The following TOP6BL variants were observed in gnomAD, a reference collection of about 807,000 sequenced individuals.
TOP6BL encodes the protein type 2 DNA topoisomerase 6 subunit B-like.
the TOP6BL span, among the ~76,000 whole-genome samples, chr11:66,842,354 C>A: frequency 6.6e-6 from 1 of 152,218 alleles, no homozygotes; most frequent in South Asian, 2.1e-4. Context: ...GGGAAAAGCT[C>A]ATTGATCTGC....
At chr11:66,772,220 GC>G in the TOP6BL span, among the ~76,000 whole-genome samples, 1 of 152,162 alleles carries the variant, frequency 6.6e-6, no homozygotes, top group Non-Finnish European at 1.5e-5. Flanking sequence ...ACTGTTTCTT[GC>G]TAGTATTTGA....
At chr11:66,822,177 C>T in the TOP6BL span, among the ~76,000 whole-genome samples, 1 of 152,214 alleles carries the variant, frequency 6.6e-6, no homozygotes, top group Non-Finnish European at 1.5e-5. Flanking sequence ...ATCCATCCAT[C>T]CTGTGTACTT....
At chr11:66,804,806 TCA>T in the TOP6BL span, among the ~76,000 whole-genome samples, 9 of 151,510 alleles carry the variant, frequency 5.9e-5, no homozygotes, top group Non-Finnish European at 1.0e-4. Context: ...GCGTGGTGGC[TCA>T]CACCTGTAAT....
At chr11:66,802,770 G>C in the TOP6BL span, among the ~76,000 whole-genome samples, 1 of 152,126 alleles carries the variant, frequency 6.6e-6, no homozygotes, top group South Asian at 2.1e-4. Context: ...TAATATGCAG[G>C]TAATAATTTC....
the TOP6BL span, among the ~76,000 whole-genome samples, chr11:66,758,613 C>T: frequency 9.2e-5 from 14 of 152,174 alleles, no homozygotes; most frequent in East Asian, 1.9e-3. Flanking sequence ...CGCACCCGGC[C>T]GGTATTTTCT....
At chr11:66,758,117 G>A in the TOP6BL span, 1 of 983,818 alleles carries the variant, frequency 1.0e-6, no homozygotes, top group South Asian at 4.7e-5. Context: ...ATGTTTCTCT[G>A]GGGAAGGGCA....
At chr11:66,752,142 C>CT in the TOP6BL span, among the ~76,000 whole-genome samples, 5,488 of 137,882 alleles carry the variant, frequency 0.04, 106 homozygotes, top group Non-Finnish European at 0.056. Context: ...CCCTCTCTCT[C>CT]TTTTTTTTTT....
At chr11:66,833,165 C>G in the TOP6BL span, among the ~76,000 whole-genome samples, 1 of 151,268 alleles carries the variant, frequency 6.6e-6, no homozygotes, top group Non-Finnish European at 1.5e-5. Flanking sequence ...TCTCCTGCCT[C>G]AGCCTCCCGA....
At chr11:66,835,348 C>G in the TOP6BL span, among the ~76,000 whole-genome samples, 6 of 152,096 alleles carry the variant, frequency 3.9e-5, no homozygotes, top group Admixed American at 1.3e-4. Context: ...TTTGCCCCTC[C>G]TATGTTCCTT....
At chr11:66,784,956 C>CTTTTTTT in the TOP6BL span, among the ~76,000 whole-genome samples, 10 of 95,118 alleles carry the variant, frequency 1.1e-4, no homozygotes, top group South Asian at 3.4e-4. Flanking sequence ...TCTAAGATTT[C>CTTTTTTT]TTTTTTTTTT....
At chr11:66,756,903 G>A in the TOP6BL span, among the ~76,000 whole-genome samples, 1 of 151,952 alleles carries the variant, frequency 6.6e-6, no homozygotes, top group Non-Finnish European at 1.5e-5. Flanking sequence ...TGGAGATGGG[G>A]TTTTGTGATA....
the TOP6BL span, chr11:66,756,334 C>T: frequency 8.3e-7 from 1 of 1,199,836 alleles, no homozygotes; most frequent in Non-Finnish European, 1.1e-6. Flanking sequence ...CCCCTTTTCC[C>T]CCCTTTTTTT....
chr11:66,815,959 G>T, the TOP6BL span: 4 of 1,270,464 alleles, frequency 3.1e-6, no homozygotes, highest in African/African-American at 4.5e-5. Context: ...CCTATTCTCA[G>T]ATCCTTCTTT....
the TOP6BL span, among the ~76,000 whole-genome samples, chr11:66,829,888 AAAAT>A: frequency 2.0e-4 from 30 of 152,098 alleles, 1 homozygote; most frequent in Admixed American, 9.8e-4. Flanking sequence ...CCCTGCCTCA[AAAAT>A]AAATAAATAA....
the TOP6BL span, among the ~76,000 whole-genome samples, chr11:66,753,198 GATGA>G: frequency 6.6e-6 from 1 of 152,076 alleles, no homozygotes; most frequent in Middle Eastern, 3.2e-3. Context: ...TTCACAGTCA[GATGA>G]ATGTGTGTGT....
At chr11:66,823,589 G>A in the TOP6BL span, among the ~76,000 whole-genome samples, 2 of 152,122 alleles carry the variant, frequency 1.3e-5, no homozygotes, top group Admixed American at 1.3e-4. Flanking sequence ...GGGAGGCTGA[G>A]GCGGTGGATT....
chr11:66,786,220 C>CCA, the TOP6BL span, among the ~76,000 whole-genome samples: 13 of 151,966 alleles, frequency 8.6e-5, no homozygotes, highest in Non-Finnish European at 1.8e-4. Context: ...CCCTGTTGAA[C>CCA]CTGGGAGGCA....
At chr11:66,749,325 A>C in the TOP6BL span, among the ~76,000 whole-genome samples, 1 of 152,140 alleles carries the variant, frequency 6.6e-6, no homozygotes, top group East Asian at 1.9e-4. Flanking sequence ...TCTTGAGAGA[A>C]ATGCTTGGCT....
At chr11:66,816,010 G>A in the TOP6BL span, 1 of 1,532,104 alleles carries the variant, frequency 6.5e-7, no homozygotes, top group Admixed American at 2.0e-5. Context: ...TATTTCAAGA[G>A]CTTTACTTAT....
Sources: allele counts gnomAD v4.1 joint callset (sites outside exome capture counted in the v4.1 genomes callset), GRCh38; gene constraint gnomAD v4.1.1; transcripts MANE v1.5; gene names NCBI Gene and HGNC (gene_info 2026-07-23, HGNC 2026-07-21).